ZZEF1: variants seen among roughly 807,000 people sequenced by gnomAD.
The protein encoded by ZZEF1 is zinc finger ZZ-type and EF-hand domain containing 1, also known as zinc finger ZZ-type and EF-hand domain-containing protein 1.
In ZZEF1, 157 loss-of-function variants were observed where a neutral mutation model predicts 342.8. That is an observed-to-expected ratio of 0.46 (90% CI 0.40 to 0.52). ZZEF1 has a LOEUF of 0.52. Ranked by LOEUF, ZZEF1 falls within the 20% of genes least tolerant of loss-of-function variation. The pLI, the probability that ZZEF1 is intolerant of heterozygous loss-of-function variation, is 0.00. For synonymous variants in ZZEF1, 1,505 were observed against 1,429.1 expected (o/e 1.05, Z -1.20); for missense variants, 3,480 against 3,725.6 (o/e 0.93, Z 1.72).
chr17:4,137,473 G>A (rs148951372), intron 1 of ZZEF1, among the ~76,000 whole-genome samples: 1,609 of 152,264 alleles, frequency 0.011, 15 homozygotes, highest in South Asian at 0.055. Flanking sequence ...TTAGCCGGGC[G>A]TGGTGGCAGG....
chr17:4,009,781 G>T, intron 52 of ZZEF1, 24 bp from the exon 53 acceptor site: 1 of 1,610,762 alleles, frequency 6.2e-7, no homozygotes, highest in Non-Finnish European at 8.5e-7. Flanking sequence ...CCCGGAGGTG[G>T]TCAGTTTACT....
intron 18 of ZZEF1, among the ~76,000 whole-genome samples, chr17:4,080,113 C>T (rs2044441878): frequency 6.6e-6 from 1 of 152,118 alleles, no homozygotes; most frequent in Admixed American, 6.5e-5. Flanking sequence ...CCCTAGAGAT[C>T]TTGAATCAGT....
rs1431456345 is a variant in ZZEF1 at position 4,075,166 on chromosome 17, C to T, written c.3414G>A (p.Leu1138=). The change falls in exon 23 of 55, where the codon CTG becomes CTA. Residue 1138 remains leucine, a synonymous_variant. Transcript: ENST00000381638. The stretch of plus-strand genomic sequence containing the variant: ...TCCGACCTCTAGCGTCGGTAAATTC[C>T]AGATAATCATACCTGTGAAGGCATA... The part of the protein sequence containing the change: ...RCETEKRYDY[L]EFTDARGRKT... 5.6e-6 allele frequency: 9 copies of T among 1,614,184 alleles called. No homozygotes were observed. The highest frequency in any genetic ancestry group is 7.6e-6 in the Non-Finnish European group (9 of 1,180,020).
intron 39 of ZZEF1, among the ~76,000 whole-genome samples, chr17:4,041,483 C>T (rs112923393): frequency 7.9e-5 from 12 of 152,220 alleles, no homozygotes; most frequent in African/African-American, 2.9e-4. Flanking sequence ...CCGCGGGCAC[C>T]GTCCCTTCCC....
At chr17:4,041,622 AATTC>A (rs1276214010) in intron 39 of ZZEF1, among the ~76,000 whole-genome samples, 2 of 152,206 alleles carry the variant, frequency 1.3e-5, no homozygotes, top group African/African-American at 2.4e-5. Flanking sequence ...TTAATAAATA[AATTC>A]ATTATCAGCT....
chr17:4,038,699 G>A (rs896387043), intron 39 of ZZEF1, among the ~76,000 whole-genome samples: 1 of 152,116 alleles, frequency 6.6e-6, no homozygotes, highest in African/African-American at 2.4e-5. Context: ...CAGCTACTTG[G>A]GAGGCTGAGG....
chr17:4,096,525 A>C (rs2058036252), intron 10 of ZZEF1, 84 bp downstream of exon 10: 4 of 1,178,078 alleles, frequency 3.4e-6, no homozygotes, highest in Non-Finnish European at 5.0e-6. Context: ...CATGTACCCC[A>C]CAAATATATA....
At chr17:4,007,084 G>T (rs1186149311) in intron 54 of ZZEF1, 114 bp from the exon 55 acceptor site, 3 of 904,778 alleles carry the variant, frequency 3.3e-6, no homozygotes, top group Non-Finnish European at 5.0e-6. Flanking sequence ...AGGGGAACCA[G>T]ATGTGTTCCC....
Position 4,075,313 on chromosome 17 carries a change from C to T in ZZEF1, c.3351G>A (p.Gly1117=), listed in dbSNP as rs752177047. 1.2e-6 allele frequency: 2 copies of T among 1,614,128 alleles called. No homozygotes were observed. The highest frequency in any genetic ancestry group is 1.7e-6 in the Non-Finnish European group (2 of 1,180,036). Residue 1117 remains glycine (G), a synonymous_variant, in exon 22 of 55, where the codon GGG becomes GGA. Coordinates refer to ENST00000381638, the MANE Select transcript of ZZEF1 (RefSeq NM_015113.4). The part of the protein sequence containing the change: ...CHEVSVFVSP[G]ATYFEVEFDD... Reference sequence around the variant, plus strand: ...CGAATTCCACTTCAAAATAGGTTGCCCCTGGGCTAACAAAGACGGATACCT... The same window carrying T: ...CGAATTCCACTTCAAAATAGGTTGCTCCTGGGCTAACAAAGACGGATACCT...
chr17:4,049,785 T>G lies in ZZEF1; in HGVS notation c.5938A>C (p.Thr1980Pro). The G allele has an allele frequency of 6.2e-7, 1 of 1,614,202 alleles. No individual in the cohort carries two copies. The highest frequency in any genetic ancestry group is 1.1e-5 in the South Asian group (1 of 91,080). Residue 1980 changes from threonine (T) to proline (P), a missense_variant, in exon 37 of 55, where the codon ACT (threonine) becomes CCT (proline). Coordinates refer to ENST00000381638, the MANE Select transcript of ZZEF1 (RefSeq NM_015113.4). ...SSLEDQALPVTVPTGASEEQL... is the reference protein window; with the variant it reads ...SSLEDQALPVPVPTGASEEQL... ...TCCTCTGACGCTCCGGTGGGCACAGTGACTGGTAGGGCCTGATCTTCTAGG... is the reference window on the plus strand; with the variant it reads ...TCCTCTGACGCTCCGGTGGGCACAGGGACTGGTAGGGCCTGATCTTCTAGG...
Position 4,016,577 on chromosome 17 carries a change from AG to A in ZZEF1, c.8002-112del. ...AAGGTGCTGGCATCATCTTAGACCT[AG>A]GACGAGCCTCTGTGACTCCACCACC... On this transcript the variant is annotated intron_variant, in intron 48 of 54. Coordinates refer to ENST00000381638, the MANE Select transcript of ZZEF1 (RefSeq NM_015113.4). This position sits in a 1 kb window ranked among gnomAD's most constrained non-coding sequence, Gnocchi z 4.4. 1.5e-6 allele frequency: 2 copies of A among 1,336,822 alleles called. No individual in the cohort carries two copies. Among genetic ancestry groups the A allele is most frequent in the Non-Finnish European group, 2.0e-6 (2 of 1,003,558 alleles). The allele number at this position is 1,336,822 out of a possible 1,614,324, so 82.8% of individuals were successfully genotyped here.
rs1221061510 is a variant in ZZEF1, at chr17:4,032,843, C to A, written c.6744G>T (p.Leu2248=). The A allele has an allele frequency of 2.5e-6, 4 of 1,613,922 alleles. No homozygotes were observed. The highest frequency in any genetic ancestry group is 3.4e-6 in the Non-Finnish European group (4 of 1,179,936). Residue 2248 remains leucine, a synonymous_variant, in exon 41 of 55, where the codon CTG becomes CTT. Coordinates refer to ENST00000381638, the MANE Select transcript of ZZEF1 (RefSeq NM_015113.4). ...AGTGTGGTACCTGGGGGAAGCCAAC[C>A]AGCACGAGCAGGGTGAAGATGTTGG... ...KHTNIFTLLV[L]VGFPQVLCVG... is the part of the protein sequence containing the mutation.
At chr17:4,128,649 A>G (rs2058615000) in intron 1 of ZZEF1, among the ~76,000 whole-genome samples, 1 of 151,098 alleles carries the variant, frequency 6.6e-6, no homozygotes. Context: ...TTTGGTTGAG[A>G]TGGAGTTTCA....
intron 3 of ZZEF1, among the ~76,000 whole-genome samples, chr17:4,115,626 G>A (rs548412285): frequency 7.9e-5 from 12 of 152,054 alleles, no homozygotes; most frequent in Non-Finnish European, 1.5e-4. Context: ...TCACACCACT[G>A]CACACCAGCC....
chr17:4,042,827 G>A (rs144293568), intron 38 of ZZEF1, among the ~76,000 whole-genome samples: 4 of 152,254 alleles, frequency 2.6e-5, no homozygotes, highest in South Asian at 4.1e-4. Flanking sequence ...GATTACAGGC[G>A]TGCGCCACCT....
chr17:4,024,204 T>G (rs9675004), intron 43 of ZZEF1, among the ~76,000 whole-genome samples: 1 of 141,946 alleles, frequency 7.0e-6, no homozygotes, highest in Non-Finnish European at 1.5e-5. Context: ...TTTTTTTTTT[T>G]TTTTTTTTTT....
At chr17:4,142,318 G>C (rs1351586241) in intron 1 of ZZEF1, among the ~76,000 whole-genome samples, 3 of 152,242 alleles carry the variant, frequency 2.0e-5, no homozygotes, top group Non-Finnish European at 4.4e-5. Context: ...TACAGAGAGA[G>C]ACATATGGGC....
At chr17:4,077,370 G>A (rs1025136047) in intron 19 of ZZEF1, among the ~76,000 whole-genome samples, 2 of 152,110 alleles carry the variant, frequency 1.3e-5, no homozygotes, top group Admixed American at 6.5e-5. Context: ...AAGTGTTTTC[G>A]TCACAGCTGC....
intron 49 of ZZEF1, among the ~76,000 whole-genome samples, chr17:4,015,093 T>G (rs2056066037): frequency 1.3e-5 from 2 of 152,166 alleles, no homozygotes; most frequent in Non-Finnish European, 2.9e-5. Context: ...GTAGCATCAC[T>G]GACAGCTGGT....
Sources: gnomAD v4.1 joint callset for allele counts (sites outside exome capture counted in the v4.1 genomes callset) on GRCh38, gnomAD v4.1.1 for gene constraint, Gnocchi (gnomAD v3.1) non-coding constraint, MANE v1.5 for transcripts, NCBI Gene and HGNC (gene_info 2026-07-23, HGNC 2026-07-21) for gene names.